The following GPHN variants were observed in gnomAD, a reference collection of about 807,000 sequenced individuals.
GPHN encodes gephyrin.
Under a neutral mutation model 95.5 loss-of-function variants are expected in GPHN, and 17 were observed. That is an observed-to-expected ratio of 0.18 (90% confidence interval 0.12 to 0.27). The LOEUF (loss-of-function observed/expected upper bound fraction) is 0.27, where lower values mean the gene tolerates loss of function less well. GPHN is among the 10% of genes least tolerant of loss of function. The probability of loss-of-function intolerance (pLI) is 1.00; values close to 1 mark genes in which losing one functional copy is unlikely to be tolerated. For synonymous variants in GPHN, 320 were observed against 322.5 expected (o/e 0.99, Z 0.08); for missense variants, 660 against 978.1 (o/e 0.67, Z 4.34).
chr14:67,146,437 TAA>T (rs1421211559), intron 18 of GPHN, among the ~76,000 whole-genome samples: 1 of 152,222 alleles, frequency 6.6e-6, no homozygotes, highest in Non-Finnish European at 1.5e-5. Context: ...TGCATTACTA[TAA>T]GTTTTCTTCG....
chr14:66,674,792 A>G (rs983399545), intron 1 of GPHN, among the ~76,000 whole-genome samples: 1 of 152,226 alleles, frequency 6.6e-6, no homozygotes, highest in Non-Finnish European at 1.5e-5. Flanking sequence ...GAATGTAAGT[A>G]TCCCTTTGAC....
intron 5 of GPHN, among the ~76,000 whole-genome samples, chr14:66,883,792 T>G (rs576253132): frequency 2.3e-4 from 35 of 152,108 alleles, no homozygotes; most frequent in Non-Finnish European, 4.9e-4. Flanking sequence ...AGTTTGAGAC[T>G]TGGGCAGTAG....
At chr14:67,600,925 C>G in the GPHN span, among the ~76,000 whole-genome samples, 2 of 152,220 alleles carry the variant, frequency 1.3e-5, no homozygotes, top group African/African-American at 4.8e-5. Context: ...GCCGATTTCT[C>G]TAAGCCAGAG....
chr14:67,564,019 A>T, the GPHN span, among the ~76,000 whole-genome samples: 2 of 151,488 alleles, frequency 1.3e-5, no homozygotes, highest in East Asian at 2.0e-4. Flanking sequence ...TTCCTGCCTC[A>T]GCCTCCCAAG....
intron 10 of GPHN, among the ~76,000 whole-genome samples, chr14:67,047,475 C>T (rs557927268): frequency 2.0e-5 from 3 of 150,914 alleles, no homozygotes; most frequent in East Asian, 2.0e-4. Flanking sequence ...AAGGAATTCT[C>T]GTGCCTCAGC....
chr14:67,579,963 C>A, the GPHN span: 2 of 1,276,242 alleles, frequency 1.6e-6, no homozygotes, highest in Non-Finnish European at 2.2e-6. Flanking sequence ...GGGTGTCTGA[C>A]TGTTTGGTAG....
At chr14:67,340,686 C>CCCCTCT in the GPHN span, among the ~76,000 whole-genome samples, 4 of 152,176 alleles carry the variant, frequency 2.6e-5, no homozygotes, top group African/African-American at 9.7e-5. Context: ...TCTCCCCCTC[C>CCCCTCT]CCCTCTCCCT....
At chr14:67,539,916 A>G in the GPHN span, among the ~76,000 whole-genome samples, 1 of 152,202 alleles carries the variant, frequency 6.6e-6, no homozygotes, top group Non-Finnish European at 1.5e-5. Flanking sequence ...AGCAATAGCT[A>G]CTTGTAGTGT....
At chr14:67,626,305 T>A in the GPHN span, among the ~76,000 whole-genome samples, 1 of 151,716 alleles carries the variant, frequency 6.6e-6, no homozygotes, top group African/African-American at 2.4e-5. Flanking sequence ...TCACACCCAC[T>A]AGGATGGCTA....
the GPHN span, chr14:67,733,775 G>C: frequency 1.1e-5 from 18 of 1,613,284 alleles, no homozygotes; most frequent in Middle Eastern, 8.2e-4. Flanking sequence ...GTGTCTCCAA[G>C]GGCCCGAAAT....
intron 1 of GPHN, among the ~76,000 whole-genome samples, chr14:66,677,614 T>C (rs2153391467): frequency 6.6e-6 from 1 of 152,286 alleles, no homozygotes; most frequent in South Asian, 2.1e-4. Context: ...TACTAATTTC[T>C]AGTTTTACTC....
At chr14:67,451,735 G>T in the GPHN span, among the ~76,000 whole-genome samples, 1 of 152,208 alleles carries the variant, frequency 6.6e-6, no homozygotes. Context: ...GGCTTGCCTT[G>T]TCTTGGATGA....
At chr14:67,077,502 A>G (rs2153660983) in intron 11 of GPHN, among the ~76,000 whole-genome samples, 1 of 152,334 alleles carries the variant, frequency 6.6e-6, no homozygotes, top group South Asian at 2.1e-4. Flanking sequence ...ATAAATGCCC[A>G]ACCAAACAAA....
chr14:67,231,577 G>A, the GPHN span, among the ~76,000 whole-genome samples: 10 of 151,662 alleles, frequency 6.6e-5, no homozygotes, highest in African/African-American at 1.2e-4. Context: ...CCAGCCTGAC[G>A]TAAATATTCT....
At chr14:66,558,958 A>T (rs528313479) in intron 1 of GPHN, among the ~76,000 whole-genome samples, 1 of 148,594 alleles carries the variant, frequency 6.7e-6, no homozygotes, top group South Asian at 2.1e-4. Flanking sequence ...TCATTGTTCA[A>T]TTCCCACCTA....
the GPHN span, chr14:67,473,542 C>A: frequency 1.2e-6 from 2 of 1,613,972 alleles, no homozygotes. The surrounding 1 kb of genome is among the most constrained non-coding windows in gnomAD (Gnocchi z 6.5). Flanking sequence ...ATGATGAGGG[C>A]CCCGCAGAAC....
chr14:67,523,381 A>C, the GPHN span, among the ~76,000 whole-genome samples: 1 of 152,104 alleles, frequency 6.6e-6, no homozygotes, highest in Non-Finnish European at 1.5e-5. Flanking sequence ...GTACAGTGCT[A>C]GGGAAAAAAA....
chr14:67,724,422 T>C, the GPHN span: 7 of 1,143,992 alleles, frequency 6.1e-6, no homozygotes, highest in African/African-American at 4.5e-5. Flanking sequence ...CGTATCTTAG[T>C]GTGAGCTCGT....
At chr14:67,555,251 C>G in the GPHN span, among the ~76,000 whole-genome samples, 1 of 152,180 alleles carries the variant, frequency 6.6e-6, no homozygotes, top group Non-Finnish European at 1.5e-5. Flanking sequence ...GTATCTTGAG[C>G]CTCTCTTTCT....
Sources: allele counts gnomAD v4.1 joint callset (sites outside exome capture counted in the v4.1 genomes callset), GRCh38; gene constraint gnomAD v4.1.1; non-coding constraint Gnocchi (gnomAD v3.1); transcripts MANE v1.5; gene names NCBI Gene and HGNC (gene_info 2026-07-23, HGNC 2026-07-21).